RELN: variants seen among roughly 807,000 people sequenced by gnomAD.
RELN encodes reelin.
Under a neutral mutation model 427.6 loss-of-function variants are expected in RELN, and 108 were observed. The observed-to-expected ratio is 0.25, with a 90% confidence interval of 0.22 to 0.30. RELN has a LOEUF of 0.30. Among genes scored for constraint, RELN ranks in the 10% least tolerant of loss-of-function variants. The pLI, the probability that RELN is intolerant of heterozygous loss-of-function variation, is 1.00. For missense variants in RELN, 3,715 were observed against 4,302.8 expected, an observed-to-expected ratio of 0.86 and a Z score of 3.82; for synonymous variants, 1,524 against 1,513.4, an observed-to-expected ratio of 1.01 and a Z score of -0.16.
At chr7:103,814,178 C>T (rs1011978486) in intron 3 of RELN, among the ~76,000 whole-genome samples, 1 of 152,162 alleles carries the variant, frequency 6.6e-6, no homozygotes, top group African/African-American at 2.4e-5. Context: ...TCTGATTCCT[C>T]ATCTGCAAAA....
At chr7:103,601,815 A>G (rs1397815237) in intron 24 of RELN, among the ~76,000 whole-genome samples, 1 of 152,198 alleles carries the variant, frequency 6.6e-6, no homozygotes, top group Non-Finnish European at 1.5e-5. Flanking sequence ...AGGTTGAGGT[A>G]TTCCAAGAGC....
intron 3 of RELN, among the ~76,000 whole-genome samples, chr7:103,831,737 A>C (rs1793278521): frequency 1.3e-5 from 2 of 152,122 alleles, no homozygotes; most frequent in African/African-American, 4.8e-5. Flanking sequence ...GCCAAGGGAG[A>C]TAACAGAGAA....
At chr7:103,745,345 A>C (rs1584458248) in intron 6 of RELN, among the ~76,000 whole-genome samples, 4 of 152,222 alleles carry the variant, frequency 2.6e-5, no homozygotes, top group Middle Eastern at 3.4e-3. Context: ...ATTCTCTTTG[A>C]AAACGGGCAC....
chr7:103,808,409 A>G (rs889348083), intron 3 of RELN, among the ~76,000 whole-genome samples: 13 of 152,058 alleles, frequency 8.5e-5, no homozygotes, highest in African/African-American at 3.1e-4. Flanking sequence ...CTTAAAGTAT[A>G]ATAATAGAAA....
chr7:103,650,509 T>C (rs1396087762), intron 15 of RELN, 126 bp from the exon 16 acceptor site: 5 of 727,232 alleles, frequency 6.9e-6, no homozygotes, highest in African/African-American at 1.7e-5. Flanking sequence ...CAATAAACTC[T>C]TTAAATTCAC....
At chr7:103,529,367 T>C (rs1189066313) in intron 46 of RELN, among the ~76,000 whole-genome samples, 2 of 151,852 alleles carry the variant, frequency 1.3e-5, no homozygotes, top group African/African-American at 2.4e-5. Flanking sequence ...TTAGGGCTAG[T>C]AGAAGGGAAT....
chr7:103,874,036 G>A (rs1038553494), intron 2 of RELN, among the ~76,000 whole-genome samples: 1 of 145,482 alleles, frequency 6.9e-6, no homozygotes, highest in African/African-American at 2.5e-5. Flanking sequence ...TCCCTGGGAT[G>A]CAAGGCTGGT....
chr7:103,523,944 G>A (rs1033362475), intron 46 of RELN, among the ~76,000 whole-genome samples: 6 of 152,078 alleles, frequency 3.9e-5, no homozygotes, highest in Admixed American at 2.6e-4. Context: ...CCCAAAGTGC[G>A]GGGATTACAG....
At chr7:103,934,800 G>A (rs1795944091) in intron 1 of RELN, among the ~76,000 whole-genome samples, 1 of 152,130 alleles carries the variant, frequency 6.6e-6, no homozygotes, top group Admixed American at 6.5e-5. Context: ...TTAATCTAGA[G>A]GCAAAAAGGA....
At chr7:103,871,443 C>A (rs907457192) in intron 2 of RELN, among the ~76,000 whole-genome samples, 7 of 152,076 alleles carry the variant, frequency 4.6e-5, no homozygotes, top group African/African-American at 1.7e-4. Flanking sequence ...ATGTAGATCA[C>A]AAAATCTTTA....
intron 22 of RELN, 49 bp from the exon 23 acceptor site, chr7:103,604,532 T>C: frequency 6.2e-7 from 1 of 1,603,756 alleles, no homozygotes; most frequent in African/African-American, 1.3e-5. Context: ...CTTTCAGCAG[T>C]GACATTGGCA....
At chr7:103,590,817 C>A (rs1584323873) in intron 27 of RELN, among the ~76,000 whole-genome samples, 1 of 152,124 alleles carries the variant, frequency 6.6e-6, no homozygotes, top group East Asian at 1.9e-4. Context: ...CTCTTCTGAT[C>A]TTTATAGGGA....
intron 20 of RELN, among the ~76,000 whole-genome samples, chr7:103,612,970 G>C (rs762212983): frequency 2.0e-5 from 3 of 152,146 alleles, no homozygotes; most frequent in Non-Finnish European, 2.9e-5. Flanking sequence ...ACTTGTTTCT[G>C]CTACTCTGAA....
intron 11 of RELN, among the ~76,000 whole-genome samples, chr7:103,679,494 A>C (rs1476788506): frequency 6.6e-6 from 1 of 152,210 alleles, no homozygotes; most frequent in Non-Finnish European, 1.5e-5. Flanking sequence ...ATCTGCTGAC[A>C]ATGCCACAGC....
chr7:103,565,629 C>T (rs1221935760), intron 33 of RELN, 78 bp from the exon 34 acceptor site: 1 of 1,419,744 alleles, frequency 7.0e-7, no homozygotes, highest in African/African-American at 1.4e-5. Flanking sequence ...TAATAAACAT[C>T]TTCAATAGCA....
At chr7:103,837,311 A>G (rs1472139088) in intron 2 of RELN, among the ~76,000 whole-genome samples, 1 of 152,200 alleles carries the variant, frequency 6.6e-6, no homozygotes, top group Admixed American at 6.5e-5. Flanking sequence ...AGAGAAATAC[A>G]AACTTCTTAG....
intron 46 of RELN, among the ~76,000 whole-genome samples, chr7:103,532,980 A>G (rs543023282): frequency 6.6e-6 from 1 of 152,348 alleles, no homozygotes; most frequent in South Asian, 2.1e-4. Flanking sequence ...GCTCCCTCAT[A>G]GGCCTAGCAC....
At chr7:103,945,598 G>A (rs76387903) in intron 1 of RELN, among the ~76,000 whole-genome samples, 2,821 of 151,992 alleles carry the variant, frequency 0.019, 76 homozygotes, top group African/African-American at 0.063. Flanking sequence ...CCTAATCCCC[G>A]TAACCAGGTT....
chr7:103,850,269 G>A (rs1192730287), intron 2 of RELN, among the ~76,000 whole-genome samples: 2 of 152,236 alleles, frequency 1.3e-5, no homozygotes, highest in Non-Finnish European at 2.9e-5. Context: ...AATACTGTGA[G>A]TGCCCCAACT....
Sources: gnomAD v4.1 joint callset for allele counts (sites outside exome capture counted in the v4.1 genomes callset) on GRCh38, gnomAD v4.1.1 for gene constraint, MANE v1.5 for transcripts, NCBI Gene and HGNC (gene_info 2026-07-23, HGNC 2026-07-21) for gene names.